Variants in KLRC3 observed in about 807,000 individuals in gnomAD.
KLRC3 encodes killer cell lectin like receptor C3, also known as NKG2-E type II integral membrane protein.
Under a neutral mutation model 23.6 loss-of-function variants are expected in KLRC3, and 16 were observed. That is an observed-to-expected ratio of 0.68 (90% confidence interval 0.46 to 1.03). The LOEUF is 1.03. Ranked by LOEUF, KLRC3 falls within the 50% of genes least tolerant of loss-of-function variation. KLRC3 has a pLI of 0.00. For missense variants in KLRC3, 209 were observed against 232.2 expected (o/e 0.90, Z 0.65); for synonymous variants, 70 against 71.8 (o/e 0.98, Z 0.13).
rs1476811624 is a variant in KLRC3, at chr12:10,420,299, T to C, written c.187+65A>G. ...GTGTAAAATATTCCCTAATCTTTCC[T>C]CACCCTTCTGCATTCAACTGCACAT... is the stretch of plus-strand genomic sequence containing the variant. On this transcript the variant is annotated intron_variant, in intron 1 of 6. Transcript: ENST00000396439. 7 of 1,507,092 alleles carry C rather than the reference T, an allele frequency of 4.6e-6. No homozygotes were observed. The African/African-American group carries it at 6.9e-5, about 15-fold the overall frequency. 93.4% of individuals were successfully genotyped at this position (1,507,092 alleles called of 1,614,324 possible).
chr12:10,420,547 T>C lies in KLRC3; in HGVS notation c.4A>G (p.Ser2Gly). ...TCTGAGAAGGTTCCTCTTTGTTTAC[T>C]CATCTCTGCAGCTGTGTGATGTGAG... The part of the protein sequence containing the change: M[S>G]KQRGTFSEVS... The change falls in exon 1 of 7, where the codon AGT (serine) becomes GGT (glycine). Residue 2 changes from serine (S) to glycine (G), a missense_variant. Physicochemically the swap from Ser to Gly is moderately conservative, Grantham distance 56. Transcript: ENST00000396439. 1 of 1,594,204 alleles carries C rather than the reference T, an allele frequency of 6.3e-7. No individual in the cohort carries two copies. The highest frequency in any genetic ancestry group is 8.5e-7 in the Non-Finnish European group (1 of 1,171,550).
At chr12:10,416,269 A>G (rs957147550) in intron 5 of KLRC3, among the ~76,000 whole-genome samples, 1 of 152,234 alleles carries the variant, frequency 6.6e-6, no homozygotes, top group Admixed American at 6.5e-5. Flanking sequence ...CATGGGCCGC[A>G]TGTGGCCCAG....
At chr12:10,413,036 G>A (rs577237538) in intron 6 of KLRC3, among the ~76,000 whole-genome samples, 8 of 152,134 alleles carry the variant, frequency 5.3e-5, no homozygotes, top group South Asian at 2.1e-4. Flanking sequence ...ATGTAGTACC[G>A]CTAGCCAAGC....
At chr12:10,419,727 A>G (rs1240246923) in intron 2 of KLRC3, 139 bp downstream of exon 2, 1 of 304,518 alleles carries the variant, frequency 3.3e-6, no homozygotes, top group South Asian at 3.0e-5. Context: ...AACTTTTTCT[A>G]TAAAAATAAA....
intron 6 of KLRC3, among the ~76,000 whole-genome samples, chr12:10,412,998 CAT>C (rs1352343618): frequency 1.3e-5 from 2 of 152,256 alleles, no homozygotes; most frequent in Admixed American, 6.5e-5. Context: ...CATTCACACA[CAT>C]ATACTCACAC....
intron 6 of KLRC3, among the ~76,000 whole-genome samples, chr12:10,414,874 A>C (rs989547791): frequency 2.0e-5 from 3 of 152,180 alleles, no homozygotes; most frequent in African/African-American, 7.2e-5. Context: ...AAATAAGTGA[A>C]AATGCAGACA....
chr12:10,416,657 AACAACTT>A lies in KLRC3; in HGVS notation c.587+3_587+9del. 1 of 1,609,514 alleles carries A rather than the reference AACAACTT, an allele frequency of 6.2e-7. No individual in the cohort carries two copies. Among genetic ancestry groups the A allele is most frequent in the South Asian group, 1.1e-5 (1 of 89,790 alleles). ...TATTTTTTTATATAGCACCCTATAA[AACAACTT>A]ACTCATGTTTGAAAGCCAAACCATT... On this transcript the variant is annotated splice_donor_5th_base_variant and intron_variant, in intron 5 of 6. Coordinates refer to ENST00000396439, the MANE Select transcript of KLRC3 (RefSeq NM_002261.3).
chr12:10,414,761 A>T (rs1027241055), intron 6 of KLRC3, among the ~76,000 whole-genome samples: 3 of 151,828 alleles, frequency 2.0e-5, no homozygotes, highest in Non-Finnish European at 2.9e-5. Flanking sequence ...AAAGTATAAT[A>T]ATAATAAAAA....
intron 3 of KLRC3, among the ~76,000 whole-genome samples, chr12:10,418,838 G>A (rs1591601654): frequency 6.6e-6 from 1 of 152,090 alleles, no homozygotes; most frequent in South Asian, 2.1e-4. Context: ...TCTGTTAATT[G>A]GGAGAAAGAG....
At chr12:10,416,216 C>T (rs1380429583) in intron 5 of KLRC3, among the ~76,000 whole-genome samples, 1 of 152,230 alleles carries the variant, frequency 6.6e-6, no homozygotes, top group African/African-American at 2.4e-5. Context: ...ACAAGCACTG[C>T]AATTCCCTGA....
chr12:10,415,899 T>G, intron 5 of KLRC3, 105 bp from the exon 6 acceptor site: 1 of 823,064 alleles, frequency 1.2e-6, no homozygotes, highest in South Asian at 1.7e-5. Flanking sequence ...TGAAAAAGGG[T>G]AATTAAATTT....
At chr12:10,415,509 C>T (rs1052339640) in intron 6 of KLRC3, 195 bp downstream of exon 6, 7 of 897,522 alleles carry the variant, frequency 7.8e-6, no homozygotes, top group Admixed American at 6.2e-5. Context: ...GACTTAAATG[C>T]GAGGGTATCT....
chr12:10,416,610 A>C (rs964758735), intron 5 of KLRC3, 57 bp downstream of exon 5: 8 of 1,529,338 alleles, frequency 5.2e-6, no homozygotes, highest in Non-Finnish European at 7.1e-6. Flanking sequence ...TATTCATATT[A>C]TTCTTCTGAA....
chr12:10,412,459 G>T lies in KLRC3; in HGVS notation c.*113C>A, dbSNP rs1565501482. 1.5e-6 allele frequency: 1 copy of T among 675,690 alleles called. No homozygotes were observed. The highest frequency in any genetic ancestry group is 2.7e-6 in the Non-Finnish European group (1 of 376,218). The allele number at this position is 675,690 out of a possible 1,614,324, so 41.9% of individuals were successfully genotyped here. ...CATCTAGTTAAAAATAGGGAGGGCA[G>T]AAAAAGTAGATTTTTAAAACACAAG... On this transcript the variant is annotated 3_prime_UTR_variant, in exon 7 of 7. Coordinates refer to ENST00000396439, the MANE Select transcript of KLRC3 (RefSeq NM_002261.3).
intron 6 of KLRC3, 27 bp from the exon 7 acceptor site, chr12:10,412,643 G>A (rs987286860): frequency 7.2e-6 from 5 of 698,506 alleles, no homozygotes; most frequent in Admixed American, 2.0e-5. Context: ...AAATTAGCCA[G>A]CATGATGGTA....
chr12:10,415,568 T>G, intron 6 of KLRC3, 136 bp downstream of exon 6: 2 of 1,343,410 alleles, frequency 1.5e-6, no homozygotes. Context: ...ATTTGGAATT[T>G]TCTTATTATT....
intron 6 of KLRC3, 30 bp downstream of exon 6, chr12:10,415,674 A>T: frequency 6.2e-7 from 1 of 1,613,270 alleles, no homozygotes; most frequent in South Asian, 1.1e-5. Context: ...CTGCAAGCTC[A>T]AGCGCTTTAA....
intron 5 of KLRC3, among the ~76,000 whole-genome samples, chr12:10,416,411 T>A (rs1009338459): frequency 6.6e-5 from 10 of 152,328 alleles, no homozygotes; most frequent in African/African-American, 2.4e-4. Context: ...CCAAGACTCT[T>A]CTTCTTCCAA....
chr12:10,420,528 A>T lies in KLRC3; in HGVS notation c.23T>A (p.Phe8Tyr), dbSNP rs1388622499. Residue 8 changes from phenylalanine (F) to tyrosine (Y), a missense_variant, in exon 1 of 7, where the codon TTC becomes TAC. Coordinates refer to ENST00000396439, the MANE Select transcript of KLRC3 (RefSeq NM_002261.3). ...GTCCTGGGCCAGACTCACTTCTGAGAAGGTTCCTCTTTGTTTACTCATCTC... is the reference window on the plus strand; with the variant it reads ...GTCCTGGGCCAGACTCACTTCTGAGTAGGTTCCTCTTTGTTTACTCATCTC... MSKQRGT[F>Y]SEVSLAQDPK... is the part of the protein sequence containing the mutation. 6.9e-6 allele frequency: 11 copies of T among 1,604,646 alleles called. No homozygotes were observed. Among genetic ancestry groups the T allele is most frequent in the Non-Finnish European group, 4.2e-6 (5 of 1,176,696 alleles).
Sources: allele counts gnomAD v4.1 joint callset (sites outside exome capture counted in the v4.1 genomes callset), GRCh38; gene constraint gnomAD v4.1.1; transcripts MANE v1.5; gene names NCBI Gene and HGNC (gene_info 2026-07-23, HGNC 2026-07-21).